Variants in TNKS observed in about 807,000 individuals in gnomAD.
TNKS encodes tankyrase.
TNKS carries 72 observed loss-of-function variants against 135.8 expected under a neutral mutation model. The ratio of observed to expected loss-of-function variants is 0.53; its 90% CI spans 0.44 to 0.64. TNKS has a LOEUF of 0.64. Ranked by LOEUF, TNKS falls within the 30% of genes least tolerant of loss-of-function variation. TNKS has a pLI of 0.00. For synonymous variants in TNKS, 849 were observed against 649.3 expected (o/e 1.31, Z -4.68); for missense variants, 1,769 against 1,674.0 (o/e 1.06, Z -0.99).
At chr8:9,592,003 C>T (rs1400619385) in intron 2 of TNKS, among the ~76,000 whole-genome samples, 1 of 152,166 alleles carries the variant, frequency 6.6e-6, no homozygotes, top group Non-Finnish European at 1.5e-5. Flanking sequence ...AAAGAATCAG[C>T]TATTTCATGT....
At position 9,556,434 on chromosome 8, in the gene TNKS, G is replaced by A. The variant is rs1344403637; in HGVS notation, c.495G>A (p.Leu165=). 1.9e-6 allele frequency: 3 copies of A among 1,614,182 alleles called. No homozygotes were observed. The South Asian group carries it at 3.3e-5, about 18-fold the overall frequency. Reference sequence around the variant, plus strand: ...CCGGAGTTAGCAGCACAGCACCACTGGGGCCTGGGGCAGCAGGACCTGGGA... The same window carrying A: ...CCGGAGTTAGCAGCACAGCACCACTAGGGCCTGGGGCAGCAGGACCTGGGA... ...EAAGVSSTAP[L]GPGAAGPGTG... is the part of the protein sequence containing the mutation. The change falls in exon 1 of 27, where the codon CTG becomes CTA. Residue 165 remains leucine, a synonymous_variant. Transcript: ENST00000310430.
At chr8:9,628,026 C>T (rs185991471) in intron 3 of TNKS, among the ~76,000 whole-genome samples, 5 of 152,272 alleles carry the variant, frequency 3.3e-5, no homozygotes, top group African/African-American at 9.6e-5. Flanking sequence ...GGCCACCTCT[C>T]GTCTACTTTT....
intron 2 of TNKS, among the ~76,000 whole-genome samples, chr8:9,607,081 A>G (rs978436395): frequency 2.6e-5 from 4 of 152,198 alleles, no homozygotes; most frequent in Admixed American, 6.5e-5. Context: ...TGAGCGTTCC[A>G]CAGAGCTTTT....
At chr8:9,643,539 C>T (rs980154619) in intron 3 of TNKS, among the ~76,000 whole-genome samples, 7 of 152,004 alleles carry the variant, frequency 4.6e-5, no homozygotes, top group African/African-American at 1.7e-4. Flanking sequence ...GATTAAGTTT[C>T]CAACATACAA....
chr8:9,722,451 G>C (rs1267868081), intron 12 of TNKS: 1 of 151,844 alleles, frequency 6.6e-6, no homozygotes, highest in East Asian at 1.9e-4. Flanking sequence ...ATCTTGAGAC[G>C]GGAAGATTTA....
chr8:9,603,538 C>T (rs760264885), intron 2 of TNKS, among the ~76,000 whole-genome samples: 13 of 152,292 alleles, frequency 8.5e-5, no homozygotes, highest in East Asian at 1.9e-4. Flanking sequence ...ACAACCATTA[C>T]TTCTAAACTT....
chr8:9,681,519 A>G (rs1407724546), intron 5 of TNKS, among the ~76,000 whole-genome samples: 1 of 152,078 alleles, frequency 6.6e-6, no homozygotes, highest in Non-Finnish European at 1.5e-5. Context: ...TTGAAAACCA[A>G]TGCACTCTGT....
chr8:9,655,192 G>T (rs1801307131), intron 3 of TNKS, among the ~76,000 whole-genome samples: 3 of 152,184 alleles, frequency 2.0e-5, no homozygotes, highest in Admixed American at 2.0e-4. Flanking sequence ...GCGAGGCTGG[G>T]GGAGGGGCGC....
intron 26 of TNKS, among the ~76,000 whole-genome samples, chr8:9,772,876 G>T (rs1808013343): frequency 6.8e-6 from 1 of 146,502 alleles, no homozygotes; most frequent in African/African-American, 2.6e-5. Flanking sequence ...GTATGTGTGG[G>T]TGTGGGTGTA....
At chr8:9,653,081 T>G (rs1408118529) in intron 3 of TNKS, among the ~76,000 whole-genome samples, 1 of 152,118 alleles carries the variant, frequency 6.6e-6, no homozygotes, top group Non-Finnish European at 1.5e-5. Context: ...CTGCCCATGT[T>G]TAGGATGAAA....
chr8:9,601,841 T>C (rs1799027976), intron 2 of TNKS, among the ~76,000 whole-genome samples: 1 of 152,204 alleles, frequency 6.6e-6, no homozygotes, highest in African/African-American at 2.4e-5. Context: ...TTTTACTTTA[T>C]TGCTTTACTT....
rs1394527063 is a variant in TNKS, at chr8:9,779,705, G to C, written c.*2969G>C. 6.6e-6 allele frequency: 1 copy of C among 152,096 alleles called. No homozygotes were observed. The highest frequency in any genetic ancestry group is 2.4e-5 in the African/African-American group (1 of 41,418). 9.4% of individuals were successfully genotyped at this position (152,096 alleles called of 1,614,324 possible). On this transcript the variant is annotated 3_prime_UTR_variant, in exon 27 of 27. Coordinates refer to ENST00000310430, the MANE Select transcript of TNKS (RefSeq NM_003747.3). ...AAAAAAGGAGACCAGATACCTCCTA[G>C]CTTTTGTATCACAACCAGGAATGGG...
At chr8:9,572,649 G>C (rs990973765) in intron 1 of TNKS, among the ~76,000 whole-genome samples, 3 of 152,186 alleles carry the variant, frequency 2.0e-5, no homozygotes, top group Non-Finnish European at 4.4e-5. Context: ...ACGAGAAAGC[G>C]AGTAGAATTA....
In TNKS at chr8:9,720,381, C is replaced by T. The variant is rs779174328; in HGVS notation, c.1757C>T (p.Ala586Val). The T allele has an allele frequency of 6.2e-6, 10 of 1,602,894 alleles. No individual in the cohort carries two copies. In the Admixed American group the frequency reaches 1.0e-4, roughly 17 times the overall value. Residue 586 changes from alanine to valine, a missense_variant, in exon 12 of 27, where the codon GCA becomes GTA. Physicochemically the swap from Ala to Val is moderately conservative, Grantham distance 64. Around this residue, in one of 5 missense-constraint regions of TNKS, gnomAD observed 523 missense variants for 541.0 expected, o/e 0.97. Transcript: ENST00000310430. ...VLHKHGAKMN[A>V]LDTLGQTALH... ...CACGCAATGATTTTTCAGATGAATG[C>T]ACTGGACACCCTTGGTCAGACTGCT... is the stretch of plus-strand genomic sequence containing the variant.
At chr8:9,687,887 G>C (rs763536918) in intron 5 of TNKS, among the ~76,000 whole-genome samples, 11 of 152,218 alleles carry the variant, frequency 7.2e-5, no homozygotes, top group Non-Finnish European at 1.3e-4. Context: ...AAAATTGTTA[G>C]AATCGAAGTT....
At chr8:9,695,519 A>G (rs1363237482) in intron 5 of TNKS, among the ~76,000 whole-genome samples, 2 of 152,154 alleles carry the variant, frequency 1.3e-5, no homozygotes, top group Non-Finnish European at 1.5e-5. Context: ...GGCCTTCTAG[A>G]ACATTTTAAA....
chr8:9,732,040 G>A (rs1406534283), intron 14 of TNKS, among the ~76,000 whole-genome samples: 11 of 152,040 alleles, frequency 7.2e-5, no homozygotes, highest in African/African-American at 2.2e-4. Flanking sequence ...CACCCGCCTC[G>A]GCCTCCCAAA....
intron 3 of TNKS, among the ~76,000 whole-genome samples, chr8:9,649,966 C>T (rs768290471): frequency 6.3e-5 from 9 of 143,884 alleles, no homozygotes; most frequent in African/African-American, 1.3e-4. Flanking sequence ...CTTGGCTCAC[C>T]GCTGCAGCCT....
chr8:9,603,654 G>A (rs925537198), intron 2 of TNKS, among the ~76,000 whole-genome samples: 1 of 152,172 alleles, frequency 6.6e-6, no homozygotes, highest in African/African-American at 2.4e-5. Context: ...GGCTGTACAT[G>A]ATATGATGAG....
Sources: gnomAD v4.1 joint callset for allele counts (sites outside exome capture counted in the v4.1 genomes callset) on GRCh38, gnomAD v4.1.1 for gene constraint, gnomAD v4.1.1 regional missense constraint, MANE v1.5 for transcripts, NCBI Gene and HGNC (gene_info 2026-07-23, HGNC 2026-07-21) for gene names.